HMGB1: variants seen among roughly 807,000 people sequenced by gnomAD.
HMGB1 encodes the protein high mobility group box 1, also known as high mobility group protein B1.
For missense variants in HMGB1, 79 were observed against 253.5 expected (o/e 0.31, Z 4.67); for synonymous variants, 81 against 84.0 (o/e 0.96, Z 0.19).
intron 1 of HMGB1, among the ~76,000 whole-genome samples, chr13:30,567,059 G>A (rs959033046): frequency 5.9e-5 from 9 of 152,188 alleles, no homozygotes; most frequent in Non-Finnish European, 8.8e-5. Flanking sequence ...TAAAGTCACA[G>A]TTCTCTACCA....
intron 1 of HMGB1, among the ~76,000 whole-genome samples, chr13:30,487,042 A>C (rs1023989945): frequency 6.6e-6 from 1 of 152,156 alleles, no homozygotes; most frequent in African/African-American, 2.4e-5. Context: ...CAGGAGAAAA[A>C]AGGATACAAG....
chr13:30,462,340 T>C lies in HMGB1; in HGVS notation c.471+198A>G, dbSNP rs1056387434. On this transcript the variant is annotated intron_variant, in intron 4 of 4. Transcript: ENST00000341423. ...AAACCAACATAAATGTACACAGCCT[T>C]TGTCTGAGTCTGATTACATTTTAGT... 4.6e-6 allele frequency: 3 copies of C among 647,690 alleles called. No homozygotes were observed. The African/African-American group carries it at 5.4e-5, about 12-fold the overall frequency. 40.1% of individuals were successfully genotyped at this position (647,690 alleles called of 1,614,324 possible). A position where few individuals can be genotyped will look rare whatever the true frequency, so the allele number is the denominator to read the frequency against.
chr13:30,528,790 A>C (rs926989268), intron 1 of HMGB1, among the ~76,000 whole-genome samples: 1 of 152,076 alleles, frequency 6.6e-6, no homozygotes, highest in African/African-American at 2.4e-5. Context: ...GCACTTTGGG[A>C]GACCGAGGTG....
intron 1 of HMGB1, among the ~76,000 whole-genome samples, chr13:30,528,714 C>T (rs947967849): frequency 3.3e-5 from 5 of 152,046 alleles, no homozygotes; most frequent in Non-Finnish European, 7.4e-5. Context: ...GGGAAACATC[C>T]TCAACTGAAG....
intron 1 of HMGB1, among the ~76,000 whole-genome samples, chr13:30,537,333 T>C (rs1868485065): frequency 6.6e-6 from 1 of 152,064 alleles, no homozygotes; most frequent in South Asian, 2.1e-4. Context: ...TAGAAAAACG[T>C]TGTTTTTACT....
At chr13:30,534,123 G>A (rs565366569) in intron 1 of HMGB1, among the ~76,000 whole-genome samples, 1 of 152,272 alleles carries the variant, frequency 6.6e-6, no homozygotes, top group Admixed American at 6.5e-5. Context: ...CTCCCAAAGT[G>A]CTGGGATTAT....
chr13:30,520,438 G>A (rs1472075981), intron 1 of HMGB1, among the ~76,000 whole-genome samples: 1 of 151,960 alleles, frequency 6.6e-6, no homozygotes, highest in Non-Finnish European at 1.5e-5. Context: ...TGGCCAACAT[G>A]GTGAAACCCT....
At chr13:30,463,500 TA>T in intron 2 of HMGB1, 30 bp downstream of exon 2, 1 of 1,591,424 alleles carries the variant, frequency 6.3e-7, no homozygotes, top group Non-Finnish European at 8.5e-7. Flanking sequence ...GTCTTTTAAT[TA>T]CCTTGTTAGC....
At chr13:30,604,371 A>T (rs1950433447) in intron 1 of HMGB1, among the ~76,000 whole-genome samples, 1 of 152,216 alleles carries the variant, frequency 6.6e-6, no homozygotes, top group Non-Finnish European at 1.5e-5. Flanking sequence ...GCTATAATCC[A>T]GTGGTCCATA....
chr13:30,464,633 C>T, intron 1 of HMGB1: 3 of 983,886 alleles, frequency 3.0e-6, no homozygotes, highest in Non-Finnish European at 3.6e-6. Flanking sequence ...AAGCCCCGCT[C>T]GAAATGGGGG....
chr13:30,604,092 A>G (rs1442581487), intron 1 of HMGB1, among the ~76,000 whole-genome samples: 2 of 151,690 alleles, frequency 1.3e-5, no homozygotes, highest in African/African-American at 2.4e-5. Context: ...GGCTGCATCC[A>G]TCTAGTGGAA....
At chr13:30,588,643 G>A (rs1388830218) in intron 1 of HMGB1, among the ~76,000 whole-genome samples, 1 of 152,216 alleles carries the variant, frequency 6.6e-6, no homozygotes, top group African/African-American at 2.4e-5. Flanking sequence ...TAGGCCGGGT[G>A]CAGCGGCTCA....
intron 1 of HMGB1, among the ~76,000 whole-genome samples, chr13:30,499,031 C>T (rs1887678156): frequency 6.6e-6 from 1 of 151,656 alleles, no homozygotes; most frequent in Non-Finnish European, 1.5e-5. Flanking sequence ...CGGCTCACTC[C>T]AACCTCCGCC....
intron 1 of HMGB1, among the ~76,000 whole-genome samples, chr13:30,585,494 C>A (rs1223150859): frequency 6.6e-6 from 1 of 151,982 alleles, no homozygotes; most frequent in African/African-American, 2.4e-5. Flanking sequence ...TCAAGAACAG[C>A]CTGGCTAACA....
At chr13:30,492,302 C>T (rs931027996) in intron 1 of HMGB1, among the ~76,000 whole-genome samples, 1 of 150,480 alleles carries the variant, frequency 6.6e-6, no homozygotes, top group Non-Finnish European at 1.5e-5. Context: ...ACAGCCTGGG[C>T]AACACAGTCA....
intron 1 of HMGB1, among the ~76,000 whole-genome samples, chr13:30,533,643 G>C (rs1888546421): frequency 6.6e-6 from 1 of 152,124 alleles, no homozygotes; most frequent in South Asian, 2.1e-4. Flanking sequence ...AGGATTACAG[G>C]TGTGAGCCAC....
At chr13:30,466,445 G>A (rs1390697694), upstream of HMGB1, among the ~76,000 whole-genome samples, 1 of 152,204 alleles carries the variant, frequency 6.6e-6, no homozygotes, top group Non-Finnish European at 1.5e-5. Flanking sequence ...GGCGGAAGCC[G>A]CCGAGCCTCG....
intron 1 of HMGB1, among the ~76,000 whole-genome samples, chr13:30,497,330 G>A (rs917872393): frequency 4.6e-5 from 7 of 152,012 alleles, no homozygotes; most frequent in Non-Finnish European, 8.8e-5. Context: ...GGGTTCAAGC[G>A]ATTCTCCTGC....
At position 30,473,719 on chromosome 13, in the gene HMGB1, A is replaced by C. The variant is rs150143729; in HGVS notation, c.-14-10025T>G. ...CAGTTCCTCAAAAGGTTAAACACAG[A>C]TAGATAGCAGTTGACCCAGCAATTC... On this transcript the variant is annotated intron_variant, in intron 1 of 4. Transcript: ENST00000405805. Among the ~76,000 whole-genome samples, 226 of 152,334 alleles carry C rather than the reference A, an allele frequency of 1.5e-3. 1 individual carries two copies. Among genetic ancestry groups the C allele is most frequent in the African/African-American group, 5.2e-3 (216 of 41,568 alleles).
Sources: allele counts gnomAD v4.1 joint callset (sites outside exome capture counted in the v4.1 genomes callset), GRCh38; gene constraint gnomAD v4.1.1; transcripts MANE v1.5; gene names NCBI Gene and HGNC (gene_info 2026-07-23, HGNC 2026-07-21).